FANCB: variants seen among roughly 807,000 people sequenced by gnomAD.
FANCB encodes the protein FA complementation group B.
FANCB carries 5 observed loss-of-function variants against 38.9 expected under a neutral mutation model. That is an observed-to-expected ratio of 0.13 (90% CI 0.07 to 0.27). The LOEUF (loss-of-function observed/expected upper bound fraction) is 0.27, where lower values mean the gene tolerates loss of function less well. FANCB is among the 10% of genes least tolerant of loss of function. FANCB has a pLI of 1.00. For missense variants in FANCB, 573 were observed against 602.7 expected (o/e 0.95, Z 0.52); for synonymous variants, 236 against 215.4 (o/e 1.10, Z -0.84).
the FANCB span, among the ~76,000 whole-genome samples, chrX:14,795,878 G>A: frequency 8.9e-6 from 1 of 111,776 alleles, no homozygotes; most frequent in Non-Finnish European, 1.9e-5. Context: ...GGTTTGATGG[G>A]ACATGAGTAT....
chrX:14,796,017 T>C, the FANCB span, among the ~76,000 whole-genome samples: 1 of 111,953 alleles, frequency 8.9e-6, no homozygotes, highest in South Asian at 3.7e-4. Flanking sequence ...AAAAGGCAGA[T>C]ATTTCATGAT....
the FANCB span, among the ~76,000 whole-genome samples, chrX:14,773,355 C>T: frequency 3.6e-5 from 4 of 112,009 alleles, no homozygotes; most frequent in Non-Finnish European, 5.6e-5. Context: ...TGGCAGGGGT[C>T]TGTGAGAGCT....
chrX:14,701,651 A>C, the FANCB span, among the ~76,000 whole-genome samples: 1 of 112,721 alleles, frequency 8.9e-6, no homozygotes, highest in South Asian at 3.6e-4. Flanking sequence ...AGTGAAATAA[A>C]TGTAAGCAAT....
the FANCB span, among the ~76,000 whole-genome samples, chrX:14,817,589 A>C: frequency 1.8e-5 from 2 of 111,776 alleles, no homozygotes; most frequent in Admixed American, 1.9e-4. Flanking sequence ...TGCTCTGGAG[A>C]GTAAGCAGCC....
intron 10 of FANCB, among the ~76,000 whole-genome samples, chrX:14,837,361 G>C (rs966568846): frequency 1.8e-5 from 2 of 112,243 alleles, no homozygotes; most frequent in African/African-American, 3.2e-5. Context: ...TACATAAAGG[G>C]CTATTTAGAG....
the FANCB span, among the ~76,000 whole-genome samples, chrX:14,826,171 C>T: frequency 8.9e-6 from 1 of 112,005 alleles, no homozygotes; most frequent in East Asian, 2.8e-4. Context: ...TGTGTAACCA[C>T]AGAACTATGA....
At chrX:14,853,947 C>T (rs969266146) in intron 5 of FANCB, among the ~76,000 whole-genome samples, 1 of 112,306 alleles carries the variant, frequency 8.9e-6, no homozygotes, top group Non-Finnish European at 1.9e-5. Context: ...ATTCATCTGG[C>T]TTTTAATAAA....
At chrX:14,788,180 A>G in the FANCB span, among the ~76,000 whole-genome samples, 1 of 108,893 alleles carries the variant, frequency 9.2e-6, no homozygotes, top group Admixed American at 9.9e-5. Context: ...AGCAGACACT[A>G]TATGAAGTAT....
chrX:14,832,621 T>C (rs1034173567), downstream of FANCB, among the ~76,000 whole-genome samples: 3 of 112,059 alleles, frequency 2.7e-5, no homozygotes, highest in Non-Finnish European at 5.6e-5. Context: ...TGGCCATAGA[T>C]ATTAGTTCAG....
the FANCB span, among the ~76,000 whole-genome samples, chrX:14,715,460 G>A: frequency 8.9e-6 from 1 of 111,761 alleles, no homozygotes; most frequent in Non-Finnish European, 1.9e-5. Context: ...AGGCACTGGG[G>A]ATATCAAAAT....
At chrX:14,788,621 G>T in the FANCB span, among the ~76,000 whole-genome samples, 3,072 of 112,177 alleles carry the variant, frequency 0.027, 97 homozygotes, top group African/African-American at 0.094. Context: ...CCCAGCCTCA[G>T]CATGATAAAG....
chrX:14,775,160 GTTTTTTTTTTTTT>G, the FANCB span, among the ~76,000 whole-genome samples: 9 of 35,003 alleles, frequency 2.6e-4, no homozygotes, highest in African/African-American at 6.1e-4. Flanking sequence ...TTTCTCTAAT[GTTTTTTTTTTTTT>G]TTTTTTTTTT....
At chrX:14,802,552 C>T in the FANCB span, among the ~76,000 whole-genome samples, 1 of 111,647 alleles carries the variant, frequency 9.0e-6, no homozygotes, top group Non-Finnish European at 1.9e-5. Flanking sequence ...TTGCTGGGAG[C>T]AGGGGTGGTA....
chrX:14,763,174 C>G, the FANCB span, among the ~76,000 whole-genome samples: 1 of 111,727 alleles, frequency 9.0e-6, no homozygotes, highest in Non-Finnish European at 1.9e-5. Context: ...TGACCCACTT[C>G]CACTCCTAAA....
At chrX:14,796,371 TACAC>T in the FANCB span, among the ~76,000 whole-genome samples, 1 of 98,833 alleles carries the variant, frequency 1.0e-5, no homozygotes, top group Non-Finnish European at 2.0e-5. Flanking sequence ...TGTGTATGTA[TACAC>T]ACACACACAC....
the FANCB span, among the ~76,000 whole-genome samples, chrX:14,824,861 G>T: frequency 1.8e-5 from 2 of 111,958 alleles, no homozygotes; most frequent in African/African-American, 6.5e-5. Context: ...TTCATATGTT[G>T]TTCATTACCT....
At chrX:14,730,421 T>G in the FANCB span, 11 of 1,203,389 alleles carry the variant, frequency 9.1e-6, no homozygotes, top group Non-Finnish European at 1.2e-5. Flanking sequence ...GCCTTCCTCA[T>G]TTTCAACATC....
At chrX:14,852,411 C>T (rs1176477793) in intron 6 of FANCB, among the ~76,000 whole-genome samples, 1 of 110,869 alleles carries the variant, frequency 9.0e-6, no homozygotes, top group African/African-American at 3.3e-5. Flanking sequence ...TCGTGATCCG[C>T]CCGTCTCGGC....
the FANCB span, among the ~76,000 whole-genome samples, chrX:14,714,652 T>A: frequency 8.9e-6 from 1 of 111,993 alleles, no homozygotes. Flanking sequence ...AAGTCTGTCA[T>A]GAATAAGAGG....
Sources: gnomAD v4.1 joint callset for allele counts (sites outside exome capture counted in the v4.1 genomes callset) on GRCh38, gnomAD v4.1.1 for gene constraint, MANE v1.5 for transcripts, NCBI Gene and HGNC (gene_info 2026-07-23, HGNC 2026-07-21) for gene names.